The following ATXN1 variants were observed in gnomAD, a reference collection of about 807,000 sequenced individuals.
ATXN1 encodes ataxin-1.
In ATXN1, 8 loss-of-function variants were observed where a neutral mutation model predicts 56.4. The ratio of observed to expected loss-of-function variants is 0.14; its 90% confidence interval spans 0.08 to 0.26. The LOEUF is 0.26. ATXN1 is among the 10% of genes least tolerant of loss of function. The pLI, the probability that ATXN1 is intolerant of heterozygous loss-of-function variation, is 1.00. For missense variants in ATXN1, 987 were observed against 1,106.5 expected (o/e 0.89, Z 1.53); for synonymous variants, 514 against 494.6 (o/e 1.04, Z -0.52).
intron 6 of ATXN1, among the ~76,000 whole-genome samples, chr6:16,427,380 C>T (rs1042644886): frequency 2.0e-5 from 3 of 152,156 alleles, no homozygotes; most frequent in Admixed American, 6.5e-5. Context: ...AACTTGCCCA[C>T]GGCGGAGGGA....
At chr6:16,568,400 C>A (rs9383178) in intron 4 of ATXN1, among the ~76,000 whole-genome samples, 4 of 151,986 alleles carry the variant, frequency 2.6e-5, no homozygotes, top group Admixed American at 1.3e-4. Context: ...GTTACATGCC[C>A]GGTACAGGCA....
chr6:16,684,274 T>C (rs985768851), intron 2 of ATXN1, among the ~76,000 whole-genome samples: 1 of 152,208 alleles, frequency 6.6e-6, no homozygotes, highest in Non-Finnish European at 1.5e-5. Flanking sequence ...ACCAAGTTCC[T>C]TATTGGATTG....
chr6:16,727,727 T>C (rs2113479747), intron 2 of ATXN1, among the ~76,000 whole-genome samples: 1 of 152,320 alleles, frequency 6.6e-6, no homozygotes, highest in East Asian at 1.9e-4. Context: ...ATAAAAAATC[T>C]TTTCTTCTTA....
At chr6:16,744,535 T>G (rs1760457915) in intron 2 of ATXN1, among the ~76,000 whole-genome samples, 1 of 151,766 alleles carries the variant, frequency 6.6e-6, no homozygotes, top group Non-Finnish European at 1.5e-5. Flanking sequence ...AACACACAGG[T>G]CAGCAACGGA....
At chr6:16,646,870 T>A (rs1025003935) in intron 3 of ATXN1, among the ~76,000 whole-genome samples, 2 of 152,244 alleles carry the variant, frequency 1.3e-5, no homozygotes, top group African/African-American at 4.8e-5. Flanking sequence ...GCATGAAGAA[T>A]AAACACTGGA....
At chr6:16,704,894 C>A (rs908278071) in intron 2 of ATXN1, among the ~76,000 whole-genome samples, 3 of 152,334 alleles carry the variant, frequency 2.0e-5, no homozygotes, top group Middle Eastern at 3.4e-3. Flanking sequence ...TCTAAGCACT[C>A]AGCGAGGGGG....
intron 4 of ATXN1, among the ~76,000 whole-genome samples, chr6:16,568,482 T>A (rs1446638437): frequency 6.6e-6 from 1 of 152,164 alleles, no homozygotes; most frequent in African/African-American, 2.4e-5. Context: ...TCCAAACACA[T>A]TTTCTCAGAG....
Position 16,737,075 on chromosome 6 carries a change from C to G in ATXN1, c.-615+16158G>C, listed in dbSNP as rs551704114. On this transcript the variant is annotated intron_variant, in intron 2 of 7. Coordinates refer to ENST00000436367, the MANE Select transcript of ATXN1 (RefSeq NM_001128164.2). ...AACAAACCTTCAAAGCAATGAATTA[C>G]GCATAGACACACAGACACACTCTCA... The G allele has an allele frequency of 5.3e-5, 8 of 152,236 alleles. No homozygotes were observed. The East Asian group carries it at 1.5e-3, about 29-fold the overall frequency. The allele number at this position is 152,236 out of a possible 1,614,324, so 9.4% of individuals were successfully genotyped here. A position where few individuals can be genotyped will look rare whatever the true frequency, so the allele number is the denominator to read the frequency against.
intron 4 of ATXN1, among the ~76,000 whole-genome samples, chr6:16,564,877 T>C (rs1197228617): frequency 1.3e-5 from 2 of 152,178 alleles, no homozygotes; most frequent in Non-Finnish European, 2.9e-5. Context: ...CAGTCCTCAA[T>C]GCCTCCTGCT....
chr6:16,486,932 G>A (rs1235583016), intron 5 of ATXN1, among the ~76,000 whole-genome samples: 1 of 151,674 alleles, frequency 6.6e-6, no homozygotes, highest in African/African-American at 2.4e-5. Flanking sequence ...GGCACAGCGA[G>A]GCCCTGCTGG....
intron 4 of ATXN1, among the ~76,000 whole-genome samples, chr6:16,572,702 A>T (rs1762354048): frequency 6.6e-6 from 1 of 152,248 alleles, no homozygotes; most frequent in South Asian, 2.1e-4. Context: ...CAGCCAGAGC[A>T]TGACTTCAGG....
At chr6:16,736,930 A>G (rs560830305) in intron 2 of ATXN1, 1 of 152,288 alleles carries the variant, frequency 6.6e-6, no homozygotes, top group East Asian at 1.9e-4. Flanking sequence ...GAGAAAAGCA[A>G]AAGCAAGATC....
At position 16,706,581 on chromosome 6, in the gene ATXN1, C is replaced by T. The variant is rs538211436; in HGVS notation, c.-615+46652G>A. On this transcript the variant is annotated intron_variant, in intron 2 of 7. Coordinates refer to ENST00000436367, the MANE Select transcript of ATXN1 (RefSeq NM_001128164.2). ...CTACTAAAAACACAAAAAAATGGTC[C>T]GTGCGTGGTAGTGCACACTTGTAAT... Among the ~76,000 whole-genome samples the T allele has an allele frequency of 1.3e-4, 20 of 152,006 alleles. 1 individual carries two copies. In the South Asian group the frequency reaches 3.1e-3, roughly 24 times the overall value.
At chr6:16,363,687 G>A (rs539314383) in intron 6 of ATXN1, among the ~76,000 whole-genome samples, 1 of 152,306 alleles carries the variant, frequency 6.6e-6, no homozygotes, top group African/African-American at 2.4e-5. Context: ...TTGATTTTTA[G>A]TGTATTCTCC....
chr6:16,333,172 C>T (rs555359581), intron 6 of ATXN1, among the ~76,000 whole-genome samples: 37 of 152,312 alleles, frequency 2.4e-4, no homozygotes, highest in African/African-American at 8.7e-4. Context: ...AAACCTAATA[C>T]GGCTGCAAAT....
intron 6 of ATXN1, among the ~76,000 whole-genome samples, chr6:16,339,184 G>C (rs1438324119): frequency 1.3e-5 from 2 of 152,182 alleles, no homozygotes; most frequent in African/African-American, 2.4e-5. Flanking sequence ...CAAAGCGCCA[G>C]CAACTGCTCC....
At chr6:16,446,295 C>T (rs557076959) in intron 6 of ATXN1, among the ~76,000 whole-genome samples, 2 of 152,184 alleles carry the variant, frequency 1.3e-5, no homozygotes, top group South Asian at 2.1e-4. Context: ...CATTTTTTCA[C>T]GTGTCTTTTG....
chr6:16,507,574 T>C (rs1318136814), intron 5 of ATXN1, among the ~76,000 whole-genome samples: 1 of 152,180 alleles, frequency 6.6e-6, no homozygotes. Flanking sequence ...TAAAAGGTAA[T>C]ATAATATAAG....
rs1383020289 is a variant in ATXN1, at chr6:16,342,350, AAAAC to A, written c.-160-13884_-160-13881del. On this transcript the variant is annotated intron_variant, in intron 6 of 7. Coordinates refer to ENST00000436367, the MANE Select transcript of ATXN1 (RefSeq NM_001128164.2). ...CATTATATTCTTTTTTTTAAAAAAA[AAAAC>A]AAAACAAAAATGGAAAATAGCAAGT... Among the ~76,000 whole-genome samples the A allele has an allele frequency of 1.4e-4, 21 of 152,252 alleles. No individual in the cohort carries two copies. In the South Asian group the frequency reaches 2.1e-3, roughly 15 times the overall value.
Sources: allele counts gnomAD v4.1 joint callset (sites outside exome capture counted in the v4.1 genomes callset), GRCh38; gene constraint gnomAD v4.1.1; transcripts MANE v1.5; gene names NCBI Gene and HGNC (gene_info 2026-07-23, HGNC 2026-07-21).